RUFY1: variants seen among roughly 807,000 people sequenced by gnomAD.
RUFY1 encodes RUN and FYVE domain-containing protein 1.
In RUFY1, 54 loss-of-function variants were observed where a neutral mutation model predicts 94.6. The ratio of observed to expected loss-of-function variants is 0.57; its 90% CI spans 0.46 to 0.72. The LOEUF is 0.72. RUFY1 is among the 30% of genes least tolerant of loss of function. RUFY1 has a pLI of 0.00. For missense variants in RUFY1, 883 were observed against 883.9 expected (o/e 1.00, Z 0.01); for synonymous variants, 396 against 347.3 (o/e 1.14, Z -1.56).
At chr5:179,552,724 C>T (rs1581407257) in intron 1 of RUFY1, among the ~76,000 whole-genome samples, 1 of 152,170 alleles carries the variant, frequency 6.6e-6, no homozygotes, top group Non-Finnish European at 1.5e-5. Flanking sequence ...GCTAGAATTT[C>T]TTTCCTTTAA....
intron 14 of RUFY1, chr5:179,599,575 C>T (rs1293376222): frequency 6.6e-6 from 1 of 152,434 alleles, no homozygotes; most frequent in African/African-American, 2.4e-5. Context: ...AGCAGGCCTT[C>T]ACTGTCTGGC....
chr5:179,605,279 A>C (rs918806118), intron 15 of RUFY1, among the ~76,000 whole-genome samples: 1 of 31,794 alleles, frequency 3.1e-5, no homozygotes, highest in Admixed American at 2.2e-4. Flanking sequence ...ATCCTGTCTC[A>C]AAAAAAAAAA....
intron 5 of RUFY1, among the ~76,000 whole-genome samples, chr5:179,574,996 A>C (rs1033130146): frequency 1.3e-5 from 2 of 150,944 alleles, no homozygotes; most frequent in Non-Finnish European, 3.0e-5. Context: ...AAAGTATATA[A>C]TGTGAAAAGA....
intron 8 of RUFY1, chr5:179,589,322 G>C (rs1054506439): frequency 4.1e-6 from 2 of 487,292 alleles, no homozygotes; most frequent in Non-Finnish European, 7.5e-6. Context: ...AATCTGGAGA[G>C]GGCAGAGATG....
chr5:179,574,331 G>C (rs570730791), intron 5 of RUFY1, among the ~76,000 whole-genome samples: 1 of 152,152 alleles, frequency 6.6e-6, no homozygotes, highest in Non-Finnish European at 1.5e-5. Context: ...GGAGGCAGAG[G>C]CTGCAGTGAG....
chr5:179,565,062 ATGAACT>A lies in RUFY1; in HGVS notation c.603-2397_603-2392del, dbSNP rs1762737013. ...TCATGTGTAGAAACATGTTTCGGAA[ATGAACT>A]TAAACAGAGGACACTATATTAGTGT... On this transcript the variant is annotated intron_variant, in intron 3 of 17. Transcript: ENST00000319449. 2.6e-5 allele frequency among the ~76,000 whole-genome samples: 4 copies of A among 152,088 alleles called. No individual in the cohort carries two copies. In the South Asian group the frequency reaches 8.3e-4, roughly 32 times the overall value.
rs1201272157 is a variant in RUFY1, at chr5:179,594,177, C to T, written c.1413+532C>T. On this transcript the variant is annotated intron_variant, in intron 11 of 17. Coordinates refer to ENST00000319449, the MANE Select transcript of RUFY1 (RefSeq NM_025158.5). The stretch of plus-strand genomic sequence containing the variant: ...ATTAGCTGGGCATGGAGGTGCACGC[C>T]TCTAATCCCAGATACTCAGAAGGCT... Among the ~76,000 whole-genome samples, 7 of 151,988 alleles carry T rather than the reference C, an allele frequency of 4.6e-5. No individual in the cohort carries two copies. The East Asian group carries it at 1.4e-3, about 29-fold the overall frequency.
intron 5 of RUFY1, among the ~76,000 whole-genome samples, chr5:179,570,267 A>G (rs4075891): frequency 0.41 from 62,899 of 152,074 alleles, 13,457 homozygotes; most frequent in East Asian, 0.73. Context: ...TCATGCCTGG[A>G]TTTGAGAAAG....
chr5:179,595,069 G>A (rs1052402094), intron 12 of RUFY1, 106 bp downstream of exon 12: 75 of 802,082 alleles, frequency 9.4e-5, no homozygotes, highest in Non-Finnish European at 1.2e-4. Flanking sequence ...GAGGCTGGGC[G>A]CGGTGGCTCA....
chr5:179,564,445 A>G (rs1762676645), intron 3 of RUFY1, among the ~76,000 whole-genome samples: 1 of 139,558 alleles, frequency 7.2e-6, no homozygotes, highest in Admixed American at 7.3e-5. Context: ...TTTTTTTAAG[A>G]CAGTCTCTCT....
rs1349124358 is a variant in RUFY1 at position 179,580,904 on chromosome 5, A to G, written c.891-43A>G. 4.6e-6 allele frequency: 5 copies of G among 1,098,094 alleles called. No homozygotes were observed. The Admixed American group carries it at 5.8e-5, about 13-fold the overall frequency. The allele number at this position is 1,098,094 out of a possible 1,614,324, so 68.0% of individuals were successfully genotyped here. A position where few individuals can be genotyped will look rare whatever the true frequency, so the allele number is the denominator to read the frequency against. On this transcript the variant is annotated intron_variant, in intron 6 of 17. Coordinates refer to ENST00000319449, the MANE Select transcript of RUFY1 (RefSeq NM_025158.5). ...GGGGAACAGTTACAAAGTATTAACC[A>G]TTAATAAAAAAAAGTTCTTCCTTCT...
At chr5:179,592,179 G>A (rs771295649) in intron 10 of RUFY1, among the ~76,000 whole-genome samples, 8 of 152,058 alleles carry the variant, frequency 5.3e-5, no homozygotes, top group Non-Finnish European at 1.0e-4. Context: ...GAGTGCAGTG[G>A]TGTGATCTCG....
At chr5:179,593,332 C>T in intron 10 of RUFY1, 146 bp from the exon 11 acceptor site, 1 of 879,990 alleles carries the variant, frequency 1.1e-6, no homozygotes, top group Non-Finnish European at 1.8e-6. Context: ...CCCACCTCAG[C>T]CTCCCAAAGT....
chr5:179,596,978 T>C lies in RUFY1; in HGVS notation c.1631+297T>C. 8.4e-6 allele frequency: 3 copies of C among 358,076 alleles called. 1 individual carries two copies. The South Asian group carries it at 2.4e-4, about 28-fold the overall frequency. 22.2% of individuals were successfully genotyped at this position (358,076 alleles called of 1,614,324 possible). On this transcript the variant is annotated intron_variant, in intron 13 of 17. Coordinates refer to ENST00000319449, the MANE Select transcript of RUFY1 (RefSeq NM_025158.5). ...CCACCCTTTCTAAAAAGAAACAGCT[T>C]TGTCAGTGTTGAACAGAAAGTCACC...
chr5:179,586,010 ATGTC>A (rs1296201997), intron 8 of RUFY1, 145 bp downstream of exon 8: 1 of 670,646 alleles, frequency 1.5e-6, no homozygotes, highest in Non-Finnish European at 2.7e-6. Context: ...GGACAGGAGA[ATGTC>A]TGTGTTCTGC....
intron 16 of RUFY1, 97 bp from the exon 17 acceptor site, chr5:179,607,485 G>A: frequency 1.1e-6 from 1 of 943,784 alleles, no homozygotes. Flanking sequence ...CTAGGAAACA[G>A]GTGCTATGAG....
At chr5:179,608,313 A>G in intron 17 of RUFY1, 6 of 985,698 alleles carry the variant, frequency 6.1e-6, no homozygotes, top group Non-Finnish European at 7.2e-6. Flanking sequence ...AGGAAGCCAC[A>G]GCTACCCCAC....
intron 1 of RUFY1, among the ~76,000 whole-genome samples, chr5:179,551,313 G>A (rs1761836597): frequency 6.6e-6 from 1 of 152,212 alleles, no homozygotes; most frequent in African/African-American, 2.4e-5. Context: ...TGTGAGATGG[G>A]GATTTTAAAG....
chr5:179,592,374 T>C (rs1765194013), intron 10 of RUFY1, among the ~76,000 whole-genome samples: 1 of 152,212 alleles, frequency 6.6e-6, no homozygotes, highest in Non-Finnish European at 1.5e-5. Context: ...CGCCTGAGCC[T>C]CCCAAAGTGC....
Sources: allele counts gnomAD v4.1 joint callset (sites outside exome capture counted in the v4.1 genomes callset), GRCh38; gene constraint gnomAD v4.1.1; transcripts MANE v1.5; gene names NCBI Gene and HGNC (gene_info 2026-07-23, HGNC 2026-07-21).